The following RPL28 variants were observed in gnomAD, a reference collection of about 807,000 sequenced individuals.
The protein encoded by RPL28 is ribosomal protein L28.
RPL28 carries 4 observed loss-of-function variants against 12.5 expected under a neutral mutation model. The ratio of observed to expected loss-of-function variants is 0.32; its 90% CI spans 0.16 to 0.73. The LOEUF (loss-of-function observed/expected upper bound fraction) is 0.73. Ranked by LOEUF, RPL28 falls within the 30% of genes least tolerant of loss-of-function variation. The pLI is 0.66. For synonymous variants in RPL28, 91 were observed against 72.5 expected, an observed-to-expected ratio of 1.26 and a Z score of -1.30; for missense variants, 214 against 197.7, an observed-to-expected ratio of 1.08 and a Z score of -0.49.
rs1435486331 is a variant in RPL28 at position 55,388,756 on chromosome 19, C to T, written c.*424C>T. 2 of 1,009,260 alleles carry T rather than the reference C, an allele frequency of 2.0e-6. No homozygotes were observed. The highest frequency in any genetic ancestry group is 2.4e-6 in the Non-Finnish European group (2 of 846,332). 62.5% of individuals were successfully genotyped at this position (1,009,260 alleles called of 1,614,324 possible). A position where few individuals can be genotyped will look rare whatever the true frequency, so the allele number is the denominator to read the frequency against. ...TGGGGACTTGGGGTGTTCCCAAGAC[C>T]TGGGGGACGACAGACATCACGGGAG... On this transcript the variant is annotated 3_prime_UTR_variant, in exon 5 of 5. Coordinates refer to ENST00000344063, the MANE Select transcript of RPL28 (RefSeq NM_000991.5).
At chr19:55,392,595 C>T (rs997848384), downstream of RPL28, among the ~76,000 whole-genome samples, 14 of 150,206 alleles carry the variant, frequency 9.3e-5, no homozygotes, top group African/African-American at 2.2e-4. Context: ...TGCAGTGGCG[C>T]GACCTCGGGT....
intron 4 of RPL28, chr19:55,401,130 C>A: frequency 2.2e-6 from 1 of 454,004 alleles, no homozygotes; most frequent in Non-Finnish European, 3.9e-6. Context: ...GAGGTGGACC[C>A]AAACCTCAAA....
downstream of RPL28, among the ~76,000 whole-genome samples, chr19:55,392,561 C>A (rs1375579981): frequency 1.4e-5 from 2 of 145,316 alleles, no homozygotes; most frequent in African/African-American, 5.2e-5. Flanking sequence ...GAGGCGGAGT[C>A]ACGCTTTGTT....
intron 4 of RPL28, among the ~76,000 whole-genome samples, chr19:55,398,728 G>A (rs2090038327): frequency 6.6e-6 from 1 of 152,056 alleles, no homozygotes; most frequent in African/African-American, 2.4e-5. Context: ...TTGAGACAGA[G>A]TCTCACTCTG....
rs147422393 is a variant in RPL28 at position 55,391,527 on chromosome 19, C to T, written c.*3195C>T. ...CAGACTCCCCACAGCAGCAGAGACT[C>T]GGGACTGAGGCATCCTCTGTTCACA... On this transcript the variant is annotated 3_prime_UTR_variant, in exon 5 of 5. Coordinates refer to ENST00000344063, the MANE Select transcript of RPL28 (RefSeq NM_000991.5). 2.2e-5 allele frequency: 33 copies of T among 1,487,336 alleles called. No individual in the cohort carries two copies. Among genetic ancestry groups the T allele is most frequent in the Admixed American group, 1.3e-4 (6 of 47,308 alleles). 92.1% of individuals were successfully genotyped at this position (1,487,336 alleles called of 1,614,324 possible). A position where few individuals can be genotyped will look rare whatever the true frequency, so the allele number is the denominator to read the frequency against.
In RPL28 at chr19:55,390,410, GC is replaced by G. The variant is rs11299036; in HGVS notation, c.*2081del. The G allele has an allele frequency of 6.4e-3, 5,999 of 938,678 alleles. 250 individuals are homozygous for G. The African/African-American group carries it at 0.093, about 15-fold the overall frequency. 58.1% of individuals were successfully genotyped at this position (938,678 alleles called of 1,614,324 possible). On this transcript the variant is annotated 3_prime_UTR_variant, in exon 5 of 5. Coordinates refer to ENST00000344063, the MANE Select transcript of RPL28 (RefSeq NM_000991.5). ...AGCAGAGATGGGGTTTCACCATTTT[GC>G]CCAGGCTGGTTTGGAACTCCTGACT... is the stretch of plus-strand genomic sequence containing the variant.
At chr19:55,395,732 C>A (rs541896325), downstream of RPL28, among the ~76,000 whole-genome samples, 2 of 151,932 alleles carry the variant, frequency 1.3e-5, no homozygotes, top group Non-Finnish European at 2.9e-5. Flanking sequence ...CATGAGCCAC[C>A]GCGCCCAGCC....
chr19:55,393,630 T>C (rs1044641616), downstream of RPL28, among the ~76,000 whole-genome samples: 15 of 142,594 alleles, frequency 1.1e-4, no homozygotes, highest in South Asian at 2.6e-3. Flanking sequence ...ATCACCAATT[T>C]GTTTTTTTTT....
chr19:55,390,257 T>C lies in RPL28; in HGVS notation c.*1925T>C. ...TCGCTCTGTTGCCCAGGCTGGCGAG[T>C]GCAATGGCGCGATCTTGGCTCACTG... On this transcript the variant is annotated 3_prime_UTR_variant, in exon 5 of 5. Transcript: ENST00000344063. 4.2e-6 allele frequency: 4 copies of C among 957,574 alleles called. No homozygotes were observed. The highest frequency in any genetic ancestry group is 5.0e-6 in the Non-Finnish European group (4 of 804,808). The allele number at this position is 957,574 out of a possible 1,614,324, so 59.3% of individuals were successfully genotyped here.
Position 55,386,338 on chromosome 19 carries a change from G to A in RPL28, c.-8-12G>A. On this transcript the variant is annotated splice_polypyrimidine_tract_variant and intron_variant, in intron 1 of 4. Coordinates refer to ENST00000344063, the MANE Select transcript of RPL28 (RefSeq NM_000991.5). Reference sequence around the variant, plus strand: ...TGTGTCTGACGCTTTCCCTGTGCCCGTTTCCCCGCAGCCGCCGCCATGTCT... The same window carrying A: ...TGTGTCTGACGCTTTCCCTGTGCCCATTTCCCCGCAGCCGCCGCCATGTCT... The A allele has an allele frequency of 6.2e-7, 1 of 1,612,500 alleles. No homozygotes were observed. Among genetic ancestry groups the A allele is most frequent in the South Asian group, 1.1e-5 (1 of 90,886 alleles).
chr19:55,395,917 C>A (rs2090019828), downstream of RPL28, among the ~76,000 whole-genome samples: 1 of 151,850 alleles, frequency 6.6e-6, no homozygotes, highest in South Asian at 2.1e-4. Flanking sequence ...ATTCTTTTGC[C>A]CCCGGCTTCC....
At chr19:55,401,591 C>T (rs1338267762) in intron 4 of RPL28, 12 of 1,608,534 alleles carry the variant, frequency 7.5e-6, no homozygotes, top group South Asian at 3.3e-5. Flanking sequence ...GTGCCACTGG[C>T]CAGGGCCCGA....
rs185092259 is a variant in RPL28, at chr19:55,398,711, G to A, written c.325-4232G>A. 7.3e-4 allele frequency among the ~76,000 whole-genome samples: 111 copies of A among 152,064 alleles called. 3 individuals are homozygous for A. In the East Asian group the frequency reaches 0.01, roughly 14 times the overall value. On this transcript the variant is annotated intron_variant, in intron 4 of 4. Coordinates refer to the RPL28 transcript ENST00000560055. ...TGTTGCGTGTGTTGAGGGGAGTGGCGGGGGTGTTGAGACAGAGTCTCACTC... is the reference window on the plus strand; with the variant it reads ...TGTTGCGTGTGTTGAGGGGAGTGGCAGGGGTGTTGAGACAGAGTCTCACTC...
intron 4 of RPL28, chr19:55,401,198 ACCCAGGGCCTGTGCAGGGGAGCCAAACT>A: frequency 1.7e-6 from 1 of 582,240 alleles, no homozygotes. Context: ...CTTTACAAGG[ACCCAGGGCCTGTGCAGGGGAGCCAAACT>A]CCCAGAGCCA....
chr19:55,390,580 C>A lies in RPL28; in HGVS notation c.*2248C>A, dbSNP rs1255546725. Reference sequence around the variant, plus strand: ...GGAGGCTTGTGCCTCTAGGCCCCACCCCCTGTGGAGTCCTGCTGGCTTTCT... The same window carrying A: ...GGAGGCTTGTGCCTCTAGGCCCCACACCCTGTGGAGTCCTGCTGGCTTTCT... On this transcript the variant is annotated 3_prime_UTR_variant, in exon 5 of 5. Transcript: ENST00000344063. 6.1e-6 allele frequency: 6 copies of A among 985,778 alleles called. No individual in the cohort carries two copies. In the East Asian group the frequency reaches 5.7e-4, roughly 93 times the overall value. The allele number at this position is 985,778 out of a possible 1,614,324, so 61.1% of individuals were successfully genotyped here.
At chr19:55,387,122 C>T (rs1487868123) in intron 3 of RPL28, 6 of 1,331,686 alleles carry the variant, frequency 4.5e-6, no homozygotes, top group African/African-American at 1.5e-5. Context: ...CCCATTTTGC[C>T]TGTGTAGGTT....
chr19:55,388,124 A>G (rs2089952782), intron 4 of RPL28, 76 bp downstream of exon 4: 1 of 1,597,454 alleles, frequency 6.3e-7, no homozygotes, highest in Non-Finnish European at 8.5e-7. Flanking sequence ...TACTGGTTGC[A>G]ATATGGGCTG....
rs373970847 is a variant in RPL28, at chr19:55,388,024, C to T, written c.300C>T (p.Asn100=). 126 of 1,613,736 alleles carry T rather than the reference C, an allele frequency of 7.8e-5. No homozygotes were observed. The highest frequency in any genetic ancestry group is 3.1e-5 in the Non-Finnish European group (37 of 1,179,918). Residue 100 remains asparagine (N), a synonymous_variant, in exon 4 of 5, where the codon AAC becomes AAT. Coordinates refer to ENST00000344063, the MANE Select transcript of RPL28 (RefSeq NM_000991.5). ...LSSIRHMIRK[N]KYRPDLRMAA... The stretch of plus-strand genomic sequence containing the variant: ...GCATCAGACACATGATCCGCAAGAA[C>T]AAGTACCGCCCCGACCTGCGCATGG...
Position 55,385,934 on chromosome 19 carries a change from C to T in RPL28, c.-40C>T, listed in dbSNP as rs116572311. On this transcript the variant is annotated 5_prime_UTR_variant, in exon 1 of 5. Coordinates refer to ENST00000344063, the MANE Select transcript of RPL28 (RefSeq NM_000991.5). ...GCGTCGCCTCGCCCCTCGCCTTCCT[C>T]TTTCCGTCTCAGGTCGCCGCTGCGA... 9.3e-4 allele frequency: 219 copies of T among 235,100 alleles called. No homozygotes were observed. The highest frequency in any genetic ancestry group is 4.6e-3 in the African/African-American group (206 of 44,844). The allele number at this position is 235,100 out of a possible 1,614,324, so 14.6% of individuals were successfully genotyped here.
Sources: allele counts gnomAD v4.1 joint callset (sites outside exome capture counted in the v4.1 genomes callset), GRCh38; gene constraint gnomAD v4.1.1; transcripts MANE v1.5; gene names NCBI Gene and HGNC (gene_info 2026-07-23, HGNC 2026-07-21).